The following KCNQ5 variants were observed in gnomAD, a reference collection of about 807,000 sequenced individuals.
The protein encoded by KCNQ5 is potassium voltage-gated channel subfamily Q member 5, also known as potassium voltage-gated channel subfamily KQT member 5.
In KCNQ5, 30 loss-of-function variants were observed where a neutral mutation model predicts 98.2. That is an observed-to-expected ratio of 0.31 (90% CI 0.23 to 0.41). KCNQ5 has a LOEUF of 0.41. KCNQ5 is among the 10% of genes least tolerant of loss of function. The pLI is 1.00. For synonymous variants in KCNQ5, 458 were observed against 449.4 expected, an observed-to-expected ratio of 1.02 and a Z score of -0.24; for missense variants, 835 against 1,182.5, an observed-to-expected ratio of 0.71 and a Z score of 4.31.
intron 1 of KCNQ5, among the ~76,000 whole-genome samples, chr6:72,675,703 G>A (rs62411986): frequency 0.18 from 26,649 of 152,144 alleles, 2,479 homozygotes; most frequent in Middle Eastern, 0.28. Context: ...ATGACTCCCA[G>A]TGAAACTTTG....
intron 10 of KCNQ5, among the ~76,000 whole-genome samples, chr6:73,137,004 A>G (rs796146440): frequency 6.6e-5 from 10 of 152,338 alleles, no homozygotes; most frequent in African/African-American, 2.4e-4. Flanking sequence ...TAGACAAATA[A>G]AAGAAAGAAT....
rs559063349 is a variant in KCNQ5 at position 72,914,325 on chromosome 6, G to C, written c.399-89583G>C. On this transcript the variant is annotated intron_variant, in intron 1 of 13. Coordinates refer to ENST00000370398, the MANE Select transcript of KCNQ5 (RefSeq NM_019842.4). Reference sequence around the variant, plus strand: ...TTGATAAAAGAGAATAACAGTACTAGAGAAAAGCTATGAAGGATACATGGG... The same window carrying C: ...TTGATAAAAGAGAATAACAGTACTACAGAAAAGCTATGAAGGATACATGGG... 1.3e-3 allele frequency among the ~76,000 whole-genome samples: 198 copies of C among 152,070 alleles called. 2 individuals are homozygous for C. The highest frequency in any genetic ancestry group is 4.1e-3 in the African/African-American group (168 of 41,472).
intron 9 of KCNQ5, among the ~76,000 whole-genome samples, chr6:73,126,833 G>A (rs1280823008): frequency 6.6e-6 from 1 of 152,072 alleles, no homozygotes; most frequent in African/African-American, 2.4e-5. Flanking sequence ...CCTGGGTAAA[G>A]CTATTACAGA....
intron 1 of KCNQ5, among the ~76,000 whole-genome samples, chr6:72,961,006 C>T (rs1192051368): frequency 6.6e-6 from 1 of 152,192 alleles, no homozygotes; most frequent in Non-Finnish European, 1.5e-5. Context: ...GGATGGCGGG[C>T]TTGTGCCTGT....
At chr6:72,957,206 C>G (rs1213751087) in intron 1 of KCNQ5, among the ~76,000 whole-genome samples, 1 of 148,478 alleles carries the variant, frequency 6.7e-6, no homozygotes, top group African/African-American at 2.5e-5. Flanking sequence ...GGTCTTGCTC[C>G]GTTGCCCAGG....
chr6:72,785,341 G>A (rs1162011661), intron 1 of KCNQ5, among the ~76,000 whole-genome samples: 1 of 152,022 alleles, frequency 6.6e-6, no homozygotes, highest in East Asian at 1.9e-4. Context: ...GACAAGGATA[G>A]GGAGTTAGTC....
chr6:73,053,173 G>C (rs1772320352), intron 3 of KCNQ5, among the ~76,000 whole-genome samples: 1 of 152,096 alleles, frequency 6.6e-6, no homozygotes. Context: ...ATGGTAAAGG[G>C]TTCACCTCAA....
intron 1 of KCNQ5, among the ~76,000 whole-genome samples, chr6:72,698,648 CTTTTTTTTTT>C (rs753567095): frequency 3.2e-5 from 3 of 94,002 alleles, no homozygotes; most frequent in Non-Finnish European, 6.6e-5. Flanking sequence ...TCTTCTTCTT[CTTTTTTTTTT>C]TTTTTTTTTT....
chr6:72,972,407 C>G (rs2150285697), intron 1 of KCNQ5, among the ~76,000 whole-genome samples: 1 of 151,570 alleles, frequency 6.6e-6, no homozygotes, highest in Middle Eastern at 3.4e-3. Context: ...AATACATGTG[C>G]AGAACATGCA....
Position 73,194,846 on chromosome 6 carries a change from C to T in KCNQ5, c.2231C>T (p.Ala744Val). 3 of 1,614,148 alleles carry T rather than the reference C, an allele frequency of 1.9e-6. No homozygotes were observed. Among genetic ancestry groups the T allele is most frequent in the Non-Finnish European group, 2.5e-6 (3 of 1,180,020 alleles). Residue 744 changes from alanine (A) to valine (V), a missense_variant, in exon 14 of 14, where the codon GCC becomes GTC. Physicochemically the swap from Ala to Val is moderately conservative, Grantham distance 64 (BLOSUM62 0). This residue lies in a region of KCNQ5 where 416 missense variants were observed against 446.9 expected (regional missense o/e 0.93). Transcript: ENST00000370398. ...NQINTAPKPAAPTTLQIPPPL... is the reference protein window; with the variant it reads ...NQINTAPKPAVPTTLQIPPPL... ...ATAAATACGGCACCCAAGCCAGCAG[C>T]CCCAACAACTTTACAGATCCCACCT...
intron 1 of KCNQ5, among the ~76,000 whole-genome samples, chr6:72,821,635 T>C (rs1775757663): frequency 6.6e-6 from 1 of 151,990 alleles, no homozygotes; most frequent in South Asian, 2.1e-4. Flanking sequence ...TTTTTTTTTT[T>C]AATGTATTAG....
chr6:72,635,623 T>C (rs2098923574), intron 1 of KCNQ5, among the ~76,000 whole-genome samples: 1 of 151,640 alleles, frequency 6.6e-6, no homozygotes, highest in African/African-American at 2.4e-5. Flanking sequence ...TTACTTTCCC[T>C]TTCCCCTTGG....
intron 1 of KCNQ5, among the ~76,000 whole-genome samples, chr6:72,882,987 T>C (rs1230992753): frequency 6.6e-6 from 1 of 152,210 alleles, no homozygotes; most frequent in Non-Finnish European, 1.5e-5. Flanking sequence ...ATAATTTTAA[T>C]GTGACTAACA....
chr6:73,003,182 T>C (rs190914238), intron 1 of KCNQ5, among the ~76,000 whole-genome samples: 137 of 152,182 alleles, frequency 9.0e-4, no homozygotes, highest in Non-Finnish European at 1.8e-3. Flanking sequence ...AGTTACACAT[T>C]TGTAGGAATA....
At chr6:72,901,243 G>A (rs1779492149) in intron 1 of KCNQ5, among the ~76,000 whole-genome samples, 1 of 149,902 alleles carries the variant, frequency 6.7e-6, no homozygotes, top group Admixed American at 6.7e-5. Context: ...TGTAGATTCT[G>A]GATATTAGTC....
chr6:72,697,675 G>A (rs930944822), intron 1 of KCNQ5, among the ~76,000 whole-genome samples: 1 of 152,128 alleles, frequency 6.6e-6, no homozygotes, highest in African/African-American at 2.4e-5. Flanking sequence ...AATTACTTAG[G>A]ACATGAGTTT....
intron 1 of KCNQ5, among the ~76,000 whole-genome samples, chr6:72,644,756 C>T (rs978498158): frequency 1.3e-5 from 2 of 151,994 alleles, no homozygotes; most frequent in Non-Finnish European, 2.9e-5. Flanking sequence ...GTGTGCATCC[C>T]GTAGTCCTTC....
chr6:73,105,419 T>C, intron 6 of KCNQ5, 52 bp downstream of exon 6: 1 of 1,080,000 alleles, frequency 9.3e-7, no homozygotes, highest in Non-Finnish European at 1.4e-6. Flanking sequence ...TAGAGACTTA[T>C]TAGAGTGAGC....
chr6:72,920,830 T>C (rs752815028), intron 1 of KCNQ5, among the ~76,000 whole-genome samples: 1 of 152,188 alleles, frequency 6.6e-6, no homozygotes, highest in Non-Finnish European at 1.5e-5. Flanking sequence ...GTCAAGGGGT[T>C]CTGCTTGCTA....
Sources: allele counts gnomAD v4.1 joint callset (sites outside exome capture counted in the v4.1 genomes callset), GRCh38; gene constraint gnomAD v4.1.1; regional missense constraint gnomAD v4.1.1; transcripts MANE v1.5; gene names NCBI Gene and HGNC (gene_info 2026-07-23, HGNC 2026-07-21).